Variants in MYO9A observed in about 807,000 individuals in gnomAD.
The protein encoded by MYO9A is unconventional myosin-IXa.
MYO9A carries 103 observed loss-of-function variants against 293.3 expected under a neutral mutation model. The ratio of observed to expected loss-of-function variants is 0.35; its 90% confidence interval spans 0.30 to 0.41. The LOEUF is 0.41. Among genes scored for constraint, MYO9A ranks in the 10% least tolerant of loss-of-function variants. The probability of loss-of-function intolerance (pLI) is 1.00; values close to 1 mark genes in which losing one functional copy is unlikely to be tolerated. For missense variants in MYO9A, 2,685 were observed against 3,033.0 expected (o/e 0.89, Z 2.69); for synonymous variants, 1,001 against 1,035.7 (o/e 0.97, Z 0.64).
At chr15:71,994,623 A>T in intron 9 of MYO9A, 38 bp from the exon 10 acceptor site, 1 of 1,259,566 alleles carries the variant, frequency 7.9e-7, no homozygotes, top group Non-Finnish European at 1.1e-6. Context: ...TGTAGAATTG[A>T]CAATGATTAA....
In MYO9A at chr15:72,041,721, G is replaced by A. The variant is rs556047478; in HGVS notation, c.840+4003C>T. 1.8e-5 allele frequency: 3 copies of A among 170,028 alleles called. No individual in the cohort carries two copies. The East Asian group carries it at 4.6e-4, about 26-fold the overall frequency. 10.5% of individuals were successfully genotyped at this position (170,028 alleles called of 1,614,324 possible). On this transcript the variant is annotated intron_variant, in intron 2 of 41. Transcript: ENST00000356056. The stretch of plus-strand genomic sequence containing the variant: ...CAGGCAAAGAGCTCCTTTCACCTGC[G>A]TACCTGCACAGGTCCCCTACAGCTG...
At chr15:71,871,745 A>G (rs1011390754) in intron 32 of MYO9A, among the ~76,000 whole-genome samples, 1 of 151,586 alleles carries the variant, frequency 6.6e-6, no homozygotes, top group Non-Finnish European at 1.5e-5. Flanking sequence ...AATTATGTAA[A>G]TAATTTATCT....
chr15:72,091,069 C>T (rs1596550594), intron 1 of MYO9A, among the ~76,000 whole-genome samples: 1 of 151,672 alleles, frequency 6.6e-6, no homozygotes, highest in African/African-American at 2.4e-5. Context: ...CATGGTGGCT[C>T]ATACCTGTAG....
Position 71,973,527 on chromosome 15 carries a change from C to T in MYO9A, c.1844+4644G>A, listed in dbSNP as rs528611680. ...CTATACATGATTGAGACACACAGGACGTTATTCCCAAGGCAACAGCCAGCA... is the reference window on the plus strand; with the variant it reads ...CTATACATGATTGAGACACACAGGATGTTATTCCCAAGGCAACAGCCAGCA... On this transcript the variant is annotated intron_variant, in intron 12 of 41. Transcript: ENST00000356056. Among the ~76,000 whole-genome samples the T allele has an allele frequency of 5.3e-5, 8 of 152,142 alleles. No homozygotes were observed. The South Asian group carries it at 1.2e-3, about 24-fold the overall frequency.
At chr15:71,979,803 C>A (rs980146203) in intron 11 of MYO9A, among the ~76,000 whole-genome samples, 2 of 152,190 alleles carry the variant, frequency 1.3e-5, no homozygotes, top group Admixed American at 6.5e-5. Flanking sequence ...AACGGAATCA[C>A]AAGAACGGCT....
At chr15:71,943,726 T>C (rs2058838227) in intron 15 of MYO9A, among the ~76,000 whole-genome samples, 1 of 152,034 alleles carries the variant, frequency 6.6e-6, no homozygotes, top group African/African-American at 2.4e-5. Context: ...AATCACTAAC[T>C]TGCTCTCCAC....
At chr15:71,967,154 T>C (rs2075898447) in intron 13 of MYO9A, among the ~76,000 whole-genome samples, 1 of 152,192 alleles carries the variant, frequency 6.6e-6, no homozygotes, top group African/African-American at 2.4e-5. Flanking sequence ...CTACTTTCTC[T>C]CATAGGACCC....
chr15:72,027,533 A>G (rs2077710761), intron 4 of MYO9A, among the ~76,000 whole-genome samples, 198 bp downstream of exon 4: 1 of 152,234 alleles, frequency 6.6e-6, no homozygotes, highest in Non-Finnish European at 1.5e-5. Flanking sequence ...AGTTTGCAAT[A>G]GTTCTATATA....
rs35264363 is a variant in MYO9A at position 71,867,075 on chromosome 15, A to AACACACACACACACACAC, written c.5980-4482_5980-4465dup. Among the ~76,000 whole-genome samples the AACACACACACACACACAC allele has an allele frequency of 1.8e-4, 26 of 148,098 alleles. 1 individual carries two copies. The highest frequency in any genetic ancestry group is 6.4e-4 in the African/African-American group (26 of 40,358). On this transcript the variant is annotated intron_variant, in intron 32 of 41. Transcript: ENST00000356056. Reference sequence around the variant, plus strand: ...CTGTATCAAAAAAAACAAAAAACAAAACACACACACACACACACACACACA... The same window carrying AACACACACACACACACAC: ...CTGTATCAAAAAAAACAAAAAACAAAACACACACACACACACACACACACACACACACACACACACACA...
At chr15:71,982,425 T>A (rs2076299087) in intron 11 of MYO9A, among the ~76,000 whole-genome samples, 1 of 152,200 alleles carries the variant, frequency 6.6e-6, no homozygotes, top group African/African-American at 2.4e-5. Flanking sequence ...GTCATTTCAA[T>A]CCTTGGAAAT....
In MYO9A at chr15:71,825,995, G is replaced by GTTTTGTTTTTT. The variant is rs1567169896; in HGVS notation, c.*584_*585insAAAAAACAAAA. On this transcript the variant is annotated 3_prime_UTR_variant, in exon 42 of 42. Transcript: ENST00000356056. The stretch of plus-strand genomic sequence containing the variant: ...ATGGAAACAATCACGGTTTTTTTTT[G>GTTTTGTTTTTT]TTTTTTTTTTTTTGTTTTTTTTTTT... The GTTTTGTTTTTT allele has an allele frequency of 2.0e-4, 18 of 91,522 alleles. No homozygotes were observed. Among genetic ancestry groups the GTTTTGTTTTTT allele is most frequent in the East Asian group, 3.3e-4 (1 of 2,996 alleles). 5.7% of individuals were successfully genotyped at this position (91,522 alleles called of 1,614,324 possible). A position where few individuals can be genotyped will look rare whatever the true frequency, so the allele number is the denominator to read the frequency against.
At chr15:71,931,637 G>A (rs1389833114) in intron 18 of MYO9A, among the ~76,000 whole-genome samples, 2 of 152,072 alleles carry the variant, frequency 1.3e-5, no homozygotes, top group African/African-American at 4.8e-5. Context: ...TATTTCCCCA[G>A]GCTTGAGTAG....
Position 71,837,688 on chromosome 15 carries a change from A to C in MYO9A, c.6838-7377T>G, listed in dbSNP as rs954214551. On this transcript the variant is annotated intron_variant, in intron 39 of 41. Coordinates refer to ENST00000356056, the MANE Select transcript of MYO9A (RefSeq NM_006901.4). The stretch of plus-strand genomic sequence containing the variant: ...GATCTCTTTTAAGAAGCATTAAACA[A>C]AACAAAGAAAAATGGAAACTCCTAC... Among the ~76,000 whole-genome samples, 20 of 152,094 alleles carry C rather than the reference A, an allele frequency of 1.3e-4. 1 individual carries two copies. The highest frequency in any genetic ancestry group is 2.9e-5 in the Non-Finnish European group (2 of 67,914).
intron 1 of MYO9A, among the ~76,000 whole-genome samples, chr15:72,098,965 A>C (rs2080161160): frequency 6.6e-6 from 1 of 152,160 alleles, no homozygotes; most frequent in African/African-American, 2.4e-5. Context: ...AACAACTATA[A>C]ATTGGCAAAC....
chr15:72,045,524 C>T (rs1265227344), intron 2 of MYO9A, among the ~76,000 whole-genome samples, 200 bp downstream of exon 2: 1 of 152,062 alleles, frequency 6.6e-6, no homozygotes, highest in Non-Finnish European at 1.5e-5. Context: ...CCTAGGCCTC[C>T]CAAAGTGCTG....
intron 11 of MYO9A, among the ~76,000 whole-genome samples, chr15:71,982,113 G>T (rs975192477): frequency 7.0e-6 from 1 of 143,082 alleles, no homozygotes; most frequent in South Asian, 2.3e-4. Context: ...TCCGCCTCGC[G>T]GGTTCACACC....
chr15:72,032,212 T>C lies in MYO9A; in HGVS notation c.935+282A>G, dbSNP rs1286102169. 2.0e-5 allele frequency among the ~76,000 whole-genome samples: 3 copies of C among 152,046 alleles called. No individual in the cohort carries two copies. The East Asian group carries it at 5.8e-4, about 29-fold the overall frequency. On this transcript the variant is annotated intron_variant, in intron 3 of 41. Coordinates refer to ENST00000356056, the MANE Select transcript of MYO9A (RefSeq NM_006901.4). ...AGGTGTGAGCCACCATGCTTGGCCT[T>C]GAAAACAATTTTTTAAAAGAACAAA...
chr15:71,839,257 C>T (rs905510491), intron 39 of MYO9A, among the ~76,000 whole-genome samples: 12 of 152,142 alleles, frequency 7.9e-5, no homozygotes, highest in African/African-American at 2.7e-4. Flanking sequence ...AGTTAAACTA[C>T]TTGGATATTT....
intron 1 of MYO9A, among the ~76,000 whole-genome samples, chr15:72,107,376 C>G (rs1394019769): frequency 6.6e-6 from 1 of 152,098 alleles, no homozygotes; most frequent in East Asian, 1.9e-4. Context: ...TGGTGAAACC[C>G]TGTCTCTACT....
Sources: gnomAD v4.1 joint callset for allele counts (sites outside exome capture counted in the v4.1 genomes callset) on GRCh38, gnomAD v4.1.1 for gene constraint, MANE v1.5 for transcripts, NCBI Gene and HGNC (gene_info 2026-07-23, HGNC 2026-07-21) for gene names.